The following LINGO2 variants were observed in gnomAD, a reference collection of about 807,000 sequenced individuals.
LINGO2 encodes the protein leucine rich repeat and Ig domain containing 2.
A neutral mutation model predicts 30.6 loss-of-function variants in LINGO2; 14 were observed. The observed-to-expected ratio is 0.46, with a 90% CI of 0.30 to 0.72. The LOEUF is 0.72. Among genes scored for constraint, LINGO2 ranks in the 30% least tolerant of loss-of-function variants. LINGO2 has a pLI of 0.07. For synonymous variants in LINGO2, 317 were observed against 288.5 expected, an observed-to-expected ratio of 1.10 and a Z score of -1.00; for missense variants, 729 against 751.7, an observed-to-expected ratio of 0.97 and a Z score of 0.35.
intron 1 of LINGO2, among the ~76,000 whole-genome samples, chr9:28,478,999 T>G (rs1825830161): frequency 1.3e-5 from 2 of 152,020 alleles, no homozygotes; most frequent in Non-Finnish European, 2.9e-5. Flanking sequence ...TAATACATTG[T>G]GGTAAATATG....
chr9:28,690,035 C>T, the LINGO2 span, among the ~76,000 whole-genome samples: 5 of 152,074 alleles, frequency 3.3e-5, no homozygotes, highest in East Asian at 9.6e-4. Flanking sequence ...AACACATGGA[C>T]ACATGAGAGG....
At position 28,221,160 on chromosome 9, in the gene LINGO2, G is replaced by A. The variant is rs1264475617; in HGVS notation, c.-87+74048C>T. 2.0e-5 allele frequency among the ~76,000 whole-genome samples: 3 copies of A among 151,846 alleles called. No homozygotes were observed. The East Asian group carries it at 5.8e-4, about 29-fold the overall frequency. ...TAAAAATAGAAAAAATTAGCCGGGCGTGGTGGCGGGCGCCTGTAAGGTCCC... is the reference window on the plus strand; with the variant it reads ...TAAAAATAGAAAAAATTAGCCGGGCATGGTGGCGGGCGCCTGTAAGGTCCC... On this transcript the variant is annotated intron_variant, in intron 4 of 5. Transcript: ENST00000379992.
At chr9:28,616,822 T>C (rs1312603474) in intron 1 of LINGO2, among the ~76,000 whole-genome samples, 2 of 152,344 alleles carry the variant, frequency 1.3e-5, no homozygotes, top group Admixed American at 1.3e-4. Context: ...GTGTGATGCT[T>C]GGAGTTTTGT....
At chr9:28,463,838 T>C (rs1587708583) in intron 2 of LINGO2, among the ~76,000 whole-genome samples, 2 of 152,210 alleles carry the variant, frequency 1.3e-5, no homozygotes, top group East Asian at 3.9e-4. Flanking sequence ...CAGGAAAAAA[T>C]ATCTTTAACA....
At chr9:28,068,028 G>T (rs2133158850) in intron 4 of LINGO2, among the ~76,000 whole-genome samples, 1 of 152,110 alleles carries the variant, frequency 6.6e-6, no homozygotes, top group Non-Finnish European at 1.5e-5. Context: ...TAGTGCTTTG[G>T]GGCATCAATT....
At chr9:28,151,896 A>G (rs1186373615) in intron 4 of LINGO2, among the ~76,000 whole-genome samples, 1 of 152,164 alleles carries the variant, frequency 6.6e-6, no homozygotes, top group African/African-American at 2.4e-5. Flanking sequence ...ATGATTTAAC[A>G]TTTTAAAGAC....
At chr9:28,416,856 T>A (rs1041390026) in intron 2 of LINGO2, among the ~76,000 whole-genome samples, 4 of 152,190 alleles carry the variant, frequency 2.6e-5, no homozygotes, top group Non-Finnish European at 4.4e-5. Context: ...TATTTTTTAA[T>A]CTAATGTATA....
the LINGO2 span, among the ~76,000 whole-genome samples, chr9:28,682,595 T>C: frequency 6.6e-6 from 1 of 152,102 alleles, no homozygotes; most frequent in African/African-American, 2.4e-5. Context: ...TTCACGATTA[T>C]AGATGTAATT....
chr9:28,344,277 G>A (rs1001255203), intron 3 of LINGO2, among the ~76,000 whole-genome samples: 21 of 152,110 alleles, frequency 1.4e-4, no homozygotes, highest in Middle Eastern at 3.2e-3. Context: ...AAAACTCTCA[G>A]TAGTTCAAAA....
the LINGO2 span, among the ~76,000 whole-genome samples, chr9:28,735,716 T>C: frequency 6.6e-6 from 1 of 152,112 alleles, no homozygotes; most frequent in Non-Finnish European, 1.5e-5. Context: ...ATAATGACAT[T>C]CTTTTAATTA....
intron 4 of LINGO2, among the ~76,000 whole-genome samples, chr9:28,224,393 T>A (rs966490341): frequency 3.9e-5 from 6 of 152,192 alleles, no homozygotes; most frequent in Non-Finnish European, 8.8e-5. Flanking sequence ...ATAATAGATG[T>A]ACATTTATAA....
At chr9:28,425,105 TA>T (rs1187064110) in intron 2 of LINGO2, among the ~76,000 whole-genome samples, 9 of 151,646 alleles carry the variant, frequency 5.9e-5, no homozygotes, top group Admixed American at 5.9e-4. Flanking sequence ...AATACATAAT[TA>T]ATACATAATT....
rs558887140 is a variant in LINGO2 at position 28,669,469 on chromosome 9, GT to G, written c.-365+730del. On this transcript the variant is annotated intron_variant, in intron 1 of 5. Transcript: ENST00000379992. ...TTCCTGGGCACCACTGGACTTCTTT[GT>G]TTTTTTTCTCTGTAATTTCAGATAG... Among the ~76,000 whole-genome samples, 496 of 151,500 alleles carry G rather than the reference GT, an allele frequency of 3.3e-3. 5 individuals are homozygous for G. Among genetic ancestry groups the G allele is most frequent in the African/African-American group, 0.012 (478 of 41,314 alleles).
At chr9:28,093,981 C>T (rs933916070) in intron 4 of LINGO2, among the ~76,000 whole-genome samples, 2 of 152,044 alleles carry the variant, frequency 1.3e-5, no homozygotes, top group African/African-American at 4.8e-5. Flanking sequence ...ATTCTGAATC[C>T]TCCAATACAT....
the LINGO2 span, among the ~76,000 whole-genome samples, chr9:29,052,020 A>T: frequency 6.6e-6 from 1 of 152,168 alleles, no homozygotes; most frequent in African/African-American, 2.4e-5. Flanking sequence ...GAACCATACG[A>T]AATTGTTGAT....
intron 4 of LINGO2, among the ~76,000 whole-genome samples, chr9:28,057,583 ATG>A (rs1824992276): frequency 9.1e-5 from 2 of 22,090 alleles, no homozygotes; most frequent in African/African-American, 2.0e-4. Flanking sequence ...ATACACATAT[ATG>A]TATATACATA....
the LINGO2 span, among the ~76,000 whole-genome samples, chr9:28,865,745 C>T: frequency 1.3e-5 from 2 of 152,260 alleles, no homozygotes; most frequent in Middle Eastern, 3.4e-3. Flanking sequence ...GATCGTGCCA[C>T]TGCGCTCCAG....
intron 5 of LINGO2, among the ~76,000 whole-genome samples, chr9:27,957,266 G>A (rs888786120): frequency 1.3e-5 from 2 of 151,930 alleles, no homozygotes; most frequent in Non-Finnish European, 2.9e-5. Flanking sequence ...TATTATACCA[G>A]TACGGCTGTC....
At chr9:28,719,307 A>G in the LINGO2 span, among the ~76,000 whole-genome samples, 8 of 151,604 alleles carry the variant, frequency 5.3e-5, no homozygotes, top group African/African-American at 1.9e-4. Flanking sequence ...CTCTAAATTA[A>G]CCTCCTTCCC....
Sources: gnomAD v4.1 joint callset for allele counts (sites outside exome capture counted in the v4.1 genomes callset) on GRCh38, gnomAD v4.1.1 for gene constraint, MANE v1.5 for transcripts, NCBI Gene and HGNC (gene_info 2026-07-23, HGNC 2026-07-21) for gene names.